The following CSNK1G1 variants were observed in gnomAD, a reference collection of about 807,000 sequenced individuals.
The protein encoded by CSNK1G1 is casein kinase 1 gamma 1.
A neutral mutation model predicts 59.6 loss-of-function variants in CSNK1G1; 22 were observed. That is an observed-to-expected ratio of 0.37 (90% CI 0.26 to 0.53). The LOEUF (loss-of-function observed/expected upper bound fraction) is 0.53, where lower values mean the gene tolerates loss of function less well. CSNK1G1 is among the 20% of genes least tolerant of loss of function. The pLI is 0.89. For synonymous variants in CSNK1G1, 179 were observed against 177.1 expected (o/e 1.01, Z -0.08); for missense variants, 384 against 519.5 (o/e 0.74, Z 2.54).
intron 2 of CSNK1G1, among the ~76,000 whole-genome samples, chr15:64,290,527 AAT>A (rs201515406): frequency 0.016 from 2,436 of 152,286 alleles, 19 homozygotes; most frequent in Middle Eastern, 0.027. Flanking sequence ...GGAGCTAAAT[AAT>A]GTGTACACAT....
chr15:64,259,813 C>T (rs182081806), intron 2 of CSNK1G1, among the ~76,000 whole-genome samples: 1 of 152,164 alleles, frequency 6.6e-6, no homozygotes, highest in African/African-American at 2.4e-5. Context: ...TTTACCAGAA[C>T]AACAGACTTA....
At chr15:64,207,256 T>C (rs2082194873) in intron 7 of CSNK1G1, among the ~76,000 whole-genome samples, 1 of 152,200 alleles carries the variant, frequency 6.6e-6, no homozygotes, top group African/African-American at 2.4e-5. Context: ...ATAATCCTTT[T>C]TGTGTGTTGT....
intron 1 of CSNK1G1, among the ~76,000 whole-genome samples, chr15:64,321,721 TAA>T (rs1896576056): frequency 1.3e-5 from 2 of 152,362 alleles, no homozygotes; most frequent in East Asian, 1.9e-4. Flanking sequence ...ACGGTAAATT[TAA>T]AAGTGTCTGG....
intron 1 of CSNK1G1, among the ~76,000 whole-genome samples, chr15:64,309,738 A>G (rs1185460568): frequency 2.0e-5 from 3 of 152,242 alleles, no homozygotes; most frequent in African/African-American, 2.4e-5. Flanking sequence ...AGCAACAGTC[A>G]TTAGAAAACT....
intron 2 of CSNK1G1, among the ~76,000 whole-genome samples, chr15:64,291,899 G>C (rs896709482): frequency 5.9e-5 from 9 of 151,962 alleles, no homozygotes; most frequent in Non-Finnish European, 1.3e-4. Flanking sequence ...AGTAGCAGAA[G>C]TTAAAAGTTC....
chr15:64,290,580 G>C (rs1410210075), intron 2 of CSNK1G1, among the ~76,000 whole-genome samples: 1 of 152,068 alleles, frequency 6.6e-6, no homozygotes. Flanking sequence ...AGACTTAAAA[G>C]GGTGGGAAAG....
intron 1 of CSNK1G1, among the ~76,000 whole-genome samples, chr15:64,308,828 C>T (rs960226738): frequency 1.3e-5 from 2 of 151,480 alleles, no homozygotes; most frequent in South Asian, 2.1e-4. Context: ...ACCCGGGAGG[C>T]GGAGCTTGCA....
intron 4 of CSNK1G1, among the ~76,000 whole-genome samples, chr15:64,235,120 GAGT>G (rs1050961718): frequency 7.2e-5 from 11 of 152,154 alleles, no homozygotes; most frequent in African/African-American, 2.7e-4. Context: ...CAGGGACCAA[GAGT>G]AGTTGTCTTG....
At chr15:64,337,309 C>CA (rs1181263456) in intron 1 of CSNK1G1, among the ~76,000 whole-genome samples, 1 of 151,976 alleles carries the variant, frequency 6.6e-6, no homozygotes, top group South Asian at 2.1e-4. Flanking sequence ...ACTTCATCAC[C>CA]AAAAAAGACT....
rs2081745078 is a variant in CSNK1G1, at chr15:64,176,628, T to C, written c.1214+3720A>G. The stretch of plus-strand genomic sequence containing the variant: ...GGGAAAGAGCAAATGACCCTGCCTG[T>C]AAGAACTCAATCAAGCACCAGGGGT... On this transcript the variant is annotated intron_variant, in intron 11 of 11. Transcript: ENST00000303052. This position sits in a 1 kb window ranked among gnomAD's most constrained non-coding sequence, Gnocchi z 5.2. 6.6e-6 allele frequency among the ~76,000 whole-genome samples: 1 copy of C among 152,148 alleles called. No homozygotes were observed. Among genetic ancestry groups the C allele is most frequent in the Admixed American group, 6.5e-5 (1 of 15,284 alleles).
chr15:64,255,810 T>C (rs1596168428), intron 3 of CSNK1G1, among the ~76,000 whole-genome samples: 1 of 152,336 alleles, frequency 6.6e-6, no homozygotes, highest in Middle Eastern at 3.4e-3. Flanking sequence ...GTCTAGTCTA[T>C]CCCTCTGCTT....
At chr15:64,199,229 C>CA (rs1238091518) in intron 10 of CSNK1G1, among the ~76,000 whole-genome samples, 3 of 92,806 alleles carry the variant, frequency 3.2e-5, no homozygotes, top group African/African-American at 4.6e-5. Flanking sequence ...CCAGCCTGGG[C>CA]AACAGAGTGA....
At chr15:64,236,969 G>T (rs2082624424) in intron 4 of CSNK1G1, among the ~76,000 whole-genome samples, 1 of 152,182 alleles carries the variant, frequency 6.6e-6, no homozygotes, top group African/African-American at 2.4e-5. Context: ...CAAAAAGTGT[G>T]AGATCCTGTC....
intron 4 of CSNK1G1, among the ~76,000 whole-genome samples, chr15:64,219,089 AG>A (rs1379742192): frequency 6.6e-6 from 1 of 152,102 alleles, no homozygotes. Context: ...TCCTGACCTC[AG>A]GTGATCCGCC....
chr15:64,290,050 T>C (rs1894652231), intron 2 of CSNK1G1, among the ~76,000 whole-genome samples: 1 of 151,934 alleles, frequency 6.6e-6, no homozygotes, highest in South Asian at 2.1e-4. Flanking sequence ...TATTAAAAAG[T>C]CAAAAAATAA....
chr15:64,283,533 G>T (rs1341611184), intron 2 of CSNK1G1, among the ~76,000 whole-genome samples: 1 of 151,896 alleles, frequency 6.6e-6, no homozygotes, highest in Non-Finnish European at 1.5e-5. Flanking sequence ...GTAGAGATGG[G>T]GTTTCACCAT....
Position 64,219,477 on chromosome 15 carries a change from G to A in CSNK1G1, c.293-2764C>T, listed in dbSNP as rs569081235. 2.8e-4 allele frequency among the ~76,000 whole-genome samples: 43 copies of A among 151,682 alleles called. No homozygotes were observed. The South Asian group carries it at 7.9e-3, about 28-fold the overall frequency. ...CATTCTCCCTCTCCTTTTTTCTTTT[G>A]AGACAGTGTCTCACTGTGTCACCCA... On this transcript the variant is annotated intron_variant, in intron 4 of 11. Coordinates refer to ENST00000303052, the MANE Select transcript of CSNK1G1 (RefSeq NM_022048.5).
At position 64,166,496 on chromosome 15, in the gene CSNK1G1, G is replaced by C; in HGVS notation, c.*5435C>G. ...GAACACATGGTTCCCAGCAGCTTGG[G>C]CTGGGTCTTTATGGAAGTGAAATGC... On this transcript the variant is annotated 3_prime_UTR_variant, in exon 12 of 12. Transcript: ENST00000303052. This position sits in a 1 kb window ranked among gnomAD's most constrained non-coding sequence, Gnocchi z 4.5. 6.5e-6 allele frequency: 1 copy of C among 153,108 alleles called. No individual in the cohort carries two copies. Among genetic ancestry groups the C allele is most frequent in the Non-Finnish European group, 1.5e-5 (1 of 68,644 alleles). 9.5% of individuals were successfully genotyped at this position (153,108 alleles called of 1,614,324 possible). A position where few individuals can be genotyped will look rare whatever the true frequency, so the allele number is the denominator to read the frequency against.
rs1231584835 is a variant in CSNK1G1, at chr15:64,218,872, TTA to T, written c.293-2161_293-2160del. Among the ~76,000 whole-genome samples the T allele has an allele frequency of 4.8e-3, 716 of 148,310 alleles. 6 individuals are homozygous for T. Among genetic ancestry groups the T allele is most frequent in the African/African-American group, 0.017 (667 of 40,010 alleles). On this transcript the variant is annotated intron_variant, in intron 4 of 11. Transcript: ENST00000303052. ...GAAGTGTTTTTTTTTTTTTTTTTTTTTACATGGAGTTTCACTCTGTAGCCCAG... is the reference window on the plus strand; with the variant it reads ...GAAGTGTTTTTTTTTTTTTTTTTTTTCATGGAGTTTCACTCTGTAGCCCAG...
Sources: gnomAD v4.1 joint callset for allele counts (sites outside exome capture counted in the v4.1 genomes callset) on GRCh38, gnomAD v4.1.1 for gene constraint, Gnocchi (gnomAD v3.1) non-coding constraint, MANE v1.5 for transcripts, NCBI Gene and HGNC (gene_info 2026-07-23, HGNC 2026-07-21) for gene names.